The following FALEC variants were observed in gnomAD, a reference collection of about 807,000 sequenced individuals.
FALEC encodes the protein focally amplified lncRNA on chromosome 1.
the FALEC span, among the ~76,000 whole-genome samples, chr1:150,535,400 C>T: frequency 1.1e-4 from 17 of 152,126 alleles, no homozygotes; most frequent in Admixed American, 1.0e-3. Flanking sequence ...CCCGCCACCA[C>T]GCCTGGCTAA....
At chr1:150,522,969 A>ATTT (rs1560270834), downstream of FALEC, among the ~76,000 whole-genome samples, 19 of 32,708 alleles carry the variant, frequency 5.8e-4, 3 homozygotes, top group South Asian at 1.5e-3. Flanking sequence ...ATATATATAT[A>ATTT]TATATATATA....
chr1:150,531,891 C>T, the FALEC span, among the ~76,000 whole-genome samples: 34 of 152,190 alleles, frequency 2.2e-4, no homozygotes, highest in African/African-American at 8.2e-4. Context: ...CTCTGCCTGC[C>T]TTCGAAGCTC....
At chr1:150,529,699 G>A in the FALEC span, among the ~76,000 whole-genome samples, 2 of 151,846 alleles carry the variant, frequency 1.3e-5, no homozygotes, top group Non-Finnish European at 2.9e-5. Context: ...CCGGGTTCAC[G>A]CCATTCTCCT....
the FALEC span, among the ~76,000 whole-genome samples, chr1:150,535,453 A>G: frequency 6.6e-6 from 1 of 152,240 alleles, no homozygotes; most frequent in South Asian, 2.1e-4. Context: ...CATGTTGGTC[A>G]GGCTGATCTC....
the FALEC span, among the ~76,000 whole-genome samples, chr1:150,535,030 T>C: frequency 6.6e-6 from 1 of 151,920 alleles, no homozygotes; most frequent in African/African-American, 2.4e-5. Flanking sequence ...AGTTGACTGG[T>C]GATGACAGGT....
At chr1:150,526,784 C>A in the FALEC span, among the ~76,000 whole-genome samples, 1 of 151,960 alleles carries the variant, frequency 6.6e-6, no homozygotes, top group Non-Finnish European at 1.5e-5. Flanking sequence ...CAGGCGCCCA[C>A]CACCACGCCC....
chr1:150,521,624 G>A (rs184679782), downstream of FALEC, among the ~76,000 whole-genome samples: 6 of 152,290 alleles, frequency 3.9e-5, no homozygotes, highest in South Asian at 4.1e-4. Context: ...TTACTGGGAG[G>A]TAGAGGGTCA....
the FALEC span, among the ~76,000 whole-genome samples, chr1:150,536,339 G>A: frequency 6.6e-6 from 1 of 152,330 alleles, no homozygotes; most frequent in East Asian, 1.9e-4. Context: ...TAAATATGTG[G>A]AGAAAGAAGG....
At chr1:150,535,784 CA>C in the FALEC span, among the ~76,000 whole-genome samples, 1 of 152,186 alleles carries the variant, frequency 6.6e-6, no homozygotes, top group Non-Finnish European at 1.5e-5. Flanking sequence ...GAGTGATCCA[CA>C]AAAGGGCCCC....
At chr1:150,518,807 G>A (rs587763859), downstream of FALEC, among the ~76,000 whole-genome samples, 5 of 152,000 alleles carry the variant, frequency 3.3e-5, no homozygotes, top group African/African-American at 1.2e-4. Context: ...CTGTAATCCG[G>A]GCACTTTGGG....
chr1:150,526,541 G>T, the FALEC span, among the ~76,000 whole-genome samples: 5 of 39,714 alleles, frequency 1.3e-4, no homozygotes, highest in East Asian at 1.4e-3. Flanking sequence ...TGTTTTTTTT[G>T]ATTCTCCTGC....
the FALEC span, among the ~76,000 whole-genome samples, chr1:150,533,710 T>C: frequency 6.6e-6 from 1 of 152,248 alleles, no homozygotes; most frequent in Admixed American, 6.5e-5. Flanking sequence ...GTGTTGGGAT[T>C]ACAGGCATGA....
downstream of FALEC, among the ~76,000 whole-genome samples, chr1:150,522,841 C>T (rs1450587352): frequency 8.9e-6 from 1 of 111,766 alleles, no homozygotes; most frequent in Non-Finnish European, 1.9e-5. Flanking sequence ...AACTCTCTCT[C>T]TCTCTCTCTC....
the FALEC span, among the ~76,000 whole-genome samples, chr1:150,523,197 T>C: frequency 2.1e-5 from 3 of 145,756 alleles, no homozygotes; most frequent in Non-Finnish European, 3.0e-5. Context: ...TTTGCATTGT[T>C]GACCAGGCTG....
At chr1:150,522,945 GTGTGTATATATATATATATA>G (rs1440945303), downstream of FALEC, among the ~76,000 whole-genome samples, 18 of 8,692 alleles carry the variant, frequency 2.1e-3, no homozygotes, top group African/African-American at 5.8e-3. Flanking sequence ...GTGTGTGTGT[GTGTGTATATATATATATATA>G]TATATATATA....
chr1:150,521,119 C>A (rs996852327), downstream of FALEC, among the ~76,000 whole-genome samples: 1 of 152,090 alleles, frequency 6.6e-6, no homozygotes, highest in African/African-American at 2.4e-5. Flanking sequence ...ATATGGAATT[C>A]TATTTCAGAA....
chr1:150,522,926 C>CGT (rs1168202877), downstream of FALEC, among the ~76,000 whole-genome samples: 729 of 41,774 alleles, frequency 0.017, 9 homozygotes, highest in African/African-American at 0.025. Flanking sequence ...TATATATATA[C>CGT]ATATATATGT....
chr1:150,525,830 CAG>C, the FALEC span, among the ~76,000 whole-genome samples: 1 of 152,090 alleles, frequency 6.6e-6, no homozygotes, highest in Non-Finnish European at 1.5e-5. Flanking sequence ...TTTGTAGAGA[CAG>C]AGGTCTTGCT....
downstream of FALEC, among the ~76,000 whole-genome samples, chr1:150,518,490 T>C (rs1670599564): frequency 6.6e-6 from 1 of 151,844 alleles, no homozygotes; most frequent in Non-Finnish European, 1.5e-5. Context: ...GTTCAAGTGA[T>C]TCTCCTGCCT....
Sources: allele counts gnomAD v4.1 joint callset (sites outside exome capture counted in the v4.1 genomes callset), GRCh38; gene constraint gnomAD v4.1.1; transcripts MANE v1.5; gene names NCBI Gene and HGNC (gene_info 2026-07-23, HGNC 2026-07-21).